The following PDE1C variants were observed in gnomAD, a reference collection of about 807,000 sequenced individuals.
PDE1C encodes dual specificity calcium/calmodulin-dependent 3',5'-cyclic nucleotide phosphodiesterase 1C.
A neutral mutation model predicts 93.1 loss-of-function variants in PDE1C; 62 were observed. That is an observed-to-expected ratio of 0.67 (90% CI 0.54 to 0.82). The LOEUF is 0.82. PDE1C is among the 40% of genes least tolerant of loss of function. The pLI is 0.00. For missense variants in PDE1C, 742 were observed against 884.6 expected (o/e 0.84, Z 2.04); for synonymous variants, 325 against 310.1 (o/e 1.05, Z -0.50).
At chr7:31,672,851 G>A in the PDE1C span, among the ~76,000 whole-genome samples, 1 of 152,186 alleles carries the variant, frequency 6.6e-6, no homozygotes, top group African/African-American at 2.4e-5. Context: ...TGTCGATGGA[G>A]AGACCTGGTG....
rs566189508 is a variant in PDE1C at position 31,901,604 on chromosome 7, C to T, written c.129-20744G>A. ...ATGGATTTGTTGCAAAATTTGAGAA[C>T]TTATTATATAATTTAACATAGAAGG... is the stretch of plus-strand genomic sequence containing the variant. On this transcript the variant is annotated intron_variant, in intron 2 of 17. Coordinates refer to ENST00000396191, the MANE Select transcript of PDE1C (RefSeq NM_001191057.4). Among the ~76,000 whole-genome samples the T allele has an allele frequency of 1.7e-4, 26 of 151,134 alleles. 1 individual carries two copies. The highest frequency in any genetic ancestry group is 1.3e-4 in the Non-Finnish European group (9 of 67,452).
chr7:32,408,964 G>A (rs1901201), intron 1 of PDE1C, among the ~76,000 whole-genome samples: 113,900 of 152,048 alleles, frequency 0.75, 43,119 homozygotes, highest in African/African-American at 0.85. Context: ...AAAGTTGTCA[G>A]AACACTGCCT....
At chr7:32,008,511 C>G (rs1312191375) in intron 2 of PDE1C, among the ~76,000 whole-genome samples, 3 of 152,162 alleles carry the variant, frequency 2.0e-5, no homozygotes, top group Non-Finnish European at 4.4e-5. Context: ...CTACTGGGTT[C>G]AGGGATTTAA....
chr7:31,620,291 G>A, the PDE1C span, among the ~76,000 whole-genome samples: 128 of 152,140 alleles, frequency 8.4e-4, no homozygotes, highest in Middle Eastern at 6.8e-3. Context: ...ATCTGAGAAC[G>A]GGCAGACTGC....
chr7:31,977,724 C>T (rs933843115), intron 2 of PDE1C, among the ~76,000 whole-genome samples: 3 of 152,134 alleles, frequency 2.0e-5, no homozygotes, highest in Non-Finnish European at 4.4e-5. Flanking sequence ...TCCTTTAGAA[C>T]AAGGATCTTA....
At chr7:31,760,420 T>C (rs1794757108) in intron 17 of PDE1C, among the ~76,000 whole-genome samples, 1 of 152,172 alleles carries the variant, frequency 6.6e-6, no homozygotes, top group Non-Finnish European at 1.5e-5. Flanking sequence ...TCATCCACGC[T>C]TGGGTCTGGC....
At chr7:31,706,308 T>C in the PDE1C span, among the ~76,000 whole-genome samples, 1 of 152,008 alleles carries the variant, frequency 6.6e-6, no homozygotes, top group South Asian at 2.1e-4. Flanking sequence ...CCCGGCCCAG[T>C]AAATTTTTAA....
At chr7:32,129,316 TTTGTTTTTGAGAAAA>T (rs1799785196) in intron 3 of PDE1C, among the ~76,000 whole-genome samples, 2 of 149,204 alleles carry the variant, frequency 1.3e-5, no homozygotes, top group Admixed American at 1.3e-4. Flanking sequence ...CCCACTTTTA[TTTGTTTTTGAGAAAA>T]CATACACAAA....
intron 2 of PDE1C, among the ~76,000 whole-genome samples, chr7:32,035,899 G>A (rs568359187): frequency 2.0e-5 from 3 of 152,178 alleles, no homozygotes; most frequent in Admixed American, 1.3e-4. Context: ...AACGTGCCTG[G>A]TCAATTGTGA....
intron 2 of PDE1C, among the ~76,000 whole-genome samples, chr7:32,175,773 C>T (rs1802946491): frequency 6.6e-6 from 1 of 152,188 alleles, no homozygotes; most frequent in Admixed American, 6.5e-5. Context: ...TCTATCTCAC[C>T]CATCTGAATT....
chr7:31,979,860 C>T (rs533619319), intron 2 of PDE1C, among the ~76,000 whole-genome samples: 3 of 152,308 alleles, frequency 2.0e-5, no homozygotes, highest in Admixed American at 2.0e-4. Context: ...ACAGCAGATG[C>T]TGGTATCCAT....
At chr7:31,932,934 A>G (rs943161175) in intron 2 of PDE1C, among the ~76,000 whole-genome samples, 1 of 152,178 alleles carries the variant, frequency 6.6e-6, no homozygotes, top group African/African-American at 2.4e-5. Flanking sequence ...ATGAAACTGG[A>G]AACCATCTTT....
chr7:32,082,604 A>C (rs1796765837), intron 3 of PDE1C, among the ~76,000 whole-genome samples: 1 of 152,214 alleles, frequency 6.6e-6, no homozygotes, highest in African/African-American at 2.4e-5. Flanking sequence ...GGCACCCCCC[A>C]GTAGGGGCAG....
chr7:31,976,356 C>T (rs867034728), intron 2 of PDE1C, among the ~76,000 whole-genome samples: 4 of 152,102 alleles, frequency 2.6e-5, no homozygotes, highest in Non-Finnish European at 4.4e-5. Flanking sequence ...AGGTGAAATG[C>T]ATGTTACAAA....
At chr7:32,400,395 C>G (rs931644982) in intron 1 of PDE1C, among the ~76,000 whole-genome samples, 1 of 152,120 alleles carries the variant, frequency 6.6e-6, no homozygotes, top group African/African-American at 2.4e-5. Flanking sequence ...CCAACTGTGT[C>G]CCACTGAGAT....
intron 1 of PDE1C, among the ~76,000 whole-genome samples, chr7:32,357,662 C>G (rs1784058470): frequency 6.6e-6 from 1 of 152,158 alleles, no homozygotes; most frequent in African/African-American, 2.4e-5. Context: ...TAACAAGCCC[C>G]CGTTCTGTTT....
chr7:31,955,216 C>T (rs1034194996), intron 2 of PDE1C, among the ~76,000 whole-genome samples: 1 of 152,118 alleles, frequency 6.6e-6, no homozygotes, highest in Non-Finnish European at 1.5e-5. Context: ...TCCCTGCCCC[C>T]GCTTGGATTA....
At chr7:32,016,210 G>T (rs924493716) in intron 2 of PDE1C, among the ~76,000 whole-genome samples, 1 of 152,172 alleles carries the variant, frequency 6.6e-6, no homozygotes, top group Non-Finnish European at 1.5e-5. Context: ...TAACACTGCT[G>T]GACCTATAAC....
At chr7:31,894,093 C>T (rs1798974616) in intron 2 of PDE1C, among the ~76,000 whole-genome samples, 1 of 152,168 alleles carries the variant, frequency 6.6e-6, no homozygotes, top group South Asian at 2.1e-4. Flanking sequence ...AGAAACAATT[C>T]CTTTAAATGA....
Sources: gnomAD v4.1 joint callset for allele counts (sites outside exome capture counted in the v4.1 genomes callset) on GRCh38, gnomAD v4.1.1 for gene constraint, MANE v1.5 for transcripts, NCBI Gene and HGNC (gene_info 2026-07-23, HGNC 2026-07-21) for gene names.